The following EXPH5 variants were observed in gnomAD, a reference collection of about 807,000 sequenced individuals.
EXPH5 encodes exophilin 5.
EXPH5 carries 42 observed loss-of-function variants against 41.1 expected under a neutral mutation model. The ratio of observed to expected loss-of-function variants is 1.02; its 90% CI spans 0.80 to 1.32. EXPH5 has a LOEUF of 1.32. Ranked by LOEUF, EXPH5 falls within the 40% of genes most tolerant of loss-of-function variation. The pLI is 0.00. For missense variants in EXPH5, 2,298 were observed against 2,314.5 expected (o/e 0.99, Z 0.15); for synonymous variants, 798 against 833.5 (o/e 0.96, Z 0.73).
At chr11:108,548,049 C>CAA (rs1162431133) in intron 1 of EXPH5, among the ~76,000 whole-genome samples, 1 of 141,924 alleles carries the variant, frequency 7.0e-6, no homozygotes, top group African/African-American at 2.7e-5. Context: ...GCGGAGGTTG[C>CAA]AGTGAGCCGA....
chr11:108,573,375 C>T (rs1022938929), intron 1 of EXPH5, among the ~76,000 whole-genome samples: 3 of 152,118 alleles, frequency 2.0e-5, no homozygotes, highest in South Asian at 2.1e-4. Context: ...ATGGTCTACC[C>T]TTGGTTGGGT....
intron 1 of EXPH5, among the ~76,000 whole-genome samples, chr11:108,553,357 C>A (rs951949214): frequency 6.6e-6 from 1 of 152,118 alleles, no homozygotes; most frequent in African/African-American, 2.4e-5. Context: ...GGTCTCTCAC[C>A]AATAGTCACC....
chr11:108,575,573 A>T (rs2094076930), intron 1 of EXPH5, among the ~76,000 whole-genome samples: 1 of 152,234 alleles, frequency 6.6e-6, no homozygotes, highest in African/African-American at 2.4e-5. Context: ...ATAGTATACA[A>T]CCACAAAAGT....
At chr11:108,517,597 G>A (rs574734582) in intron 5 of EXPH5, among the ~76,000 whole-genome samples, 6 of 152,272 alleles carry the variant, frequency 3.9e-5, no homozygotes, top group East Asian at 1.9e-4. Context: ...CATTTGGAAC[G>A]CCACTGCTTT....
At chr11:108,599,767 C>T in the EXPH5 span, among the ~76,000 whole-genome samples, 6 of 152,238 alleles carry the variant, frequency 3.9e-5, no homozygotes, top group African/African-American at 1.4e-4. Context: ...GGAAAAGAAA[C>T]CTTTTTGTTT....
chr11:108,551,299 C>A (rs147318465), intron 1 of EXPH5, among the ~76,000 whole-genome samples: 2 of 152,116 alleles, frequency 1.3e-5, no homozygotes, highest in Non-Finnish European at 2.9e-5. Context: ...GTGACTTTTG[C>A]CAATTAAACA....
At position 108,514,614 on chromosome 11, in the gene EXPH5, T is replaced by C. The variant is rs750026771; in HGVS notation, c.893A>G (p.Tyr298Cys). The C allele has an allele frequency of 1.9e-6, 3 of 1,611,760 alleles. No individual in the cohort carries two copies. Among genetic ancestry groups the C allele is most frequent in the East Asian group, 4.5e-5 (2 of 44,880 alleles). Residue 298 changes from tyrosine to cysteine, a missense_variant, in exon 6 of 6, where the codon TAT (tyrosine) becomes TGT (cysteine). Coordinates refer to ENST00000265843, the MANE Select transcript of EXPH5 (RefSeq NM_015065.3). ...AAAGACTCTGGGCTCCCTTGTCCTA[T>C]ACATATCATAAATTGTGCTTGTCCT... Reference protein sequence around the residue: ...SPRTSTIYDMYRTREPRVFKE... With the variant: ...SPRTSTIYDMCRTREPRVFKE...
At chr11:108,602,549 C>CT in the EXPH5 span, among the ~76,000 whole-genome samples, 12,545 of 141,302 alleles carry the variant, frequency 0.089, 613 homozygotes, top group Middle Eastern at 0.13. Context: ...CTAAAACTGC[C>CT]TTTTTTTTTT....
At chr11:108,540,658 A>G (rs2093907751) in intron 2 of EXPH5, among the ~76,000 whole-genome samples, 1 of 152,150 alleles carries the variant, frequency 6.6e-6, no homozygotes, top group Non-Finnish European at 1.5e-5. Flanking sequence ...CACTTTGGTT[A>G]TCTTCTCAAT....
At chr11:108,604,263 G>T in the EXPH5 span, among the ~76,000 whole-genome samples, 1 of 151,302 alleles carries the variant, frequency 6.6e-6, no homozygotes, top group Admixed American at 6.6e-5. Flanking sequence ...GGGCATGGTG[G>T]TGTGTGCCTG....
intron 3 of EXPH5, among the ~76,000 whole-genome samples, chr11:108,532,362 ATATATTTTTTTTTTTTTTTTTT>A (rs1296792259): frequency 3.5e-4 from 7 of 20,152 alleles, no homozygotes; most frequent in African/African-American, 2.7e-3. Flanking sequence ...ATATATATAT[ATATATTTTTTTTTTTTTTTTTT>A]TTTTTTTTTT....
At position 108,513,471 on chromosome 11, in the gene EXPH5, G is replaced by C; in HGVS notation, c.2036C>G (p.Ser679Ter). The C allele has an allele frequency of 6.2e-7, 1 of 1,613,810 alleles. No homozygotes were observed. Among genetic ancestry groups the C allele is most frequent in the Non-Finnish European group, 8.5e-7 (1 of 1,179,838 alleles). ...TTTGGCAAGAGGCAGAGAGTCAACT[G>C]AATTGCTGCTGGTCACAGTGACTTC... ...HTEVTVTSSN[S>*]VDSLPLAKSQ... Residue 679 changes from serine to a stop codon, truncating the protein, a stop_gained, in exon 6 of 6, where the codon TCA becomes TGA. Transcript: ENST00000265843. LOFTEE classifies it low-confidence loss of function (END_TRUNC).
intron 1 of EXPH5, among the ~76,000 whole-genome samples, chr11:108,545,115 G>A (rs998218157): frequency 6.6e-6 from 1 of 151,884 alleles, no homozygotes; most frequent in Non-Finnish European, 1.5e-5. Context: ...TCACACAATT[G>A]TGATAAAATA....
intron 1 of EXPH5, 68 bp downstream of exon 1, chr11:108,593,350 C>G: frequency 1.4e-6 from 2 of 1,431,794 alleles, no homozygotes; most frequent in Non-Finnish European, 2.0e-6. Flanking sequence ...AGCTCAGCGC[C>G]TTCCCCGCGG....
At chr11:108,532,032 T>C in intron 3 of EXPH5, among the ~76,000 whole-genome samples, 1 of 152,116 alleles carries the variant, frequency 6.6e-6, no homozygotes, top group Non-Finnish European at 1.5e-5. Flanking sequence ...GAGTGATCAA[T>C]ATAAACTGAA....
intron 2 of EXPH5, among the ~76,000 whole-genome samples, chr11:108,539,750 A>C (rs2093901995): frequency 1.3e-5 from 2 of 152,152 alleles, no homozygotes; most frequent in Admixed American, 1.3e-4. Flanking sequence ...GAAATCAAAA[A>C]TTTCCCCAAA....
At chr11:108,538,254 C>T (rs1002632808) in intron 3 of EXPH5, 64 of 985,294 alleles carry the variant, frequency 6.5e-5, no homozygotes, top group Non-Finnish European at 7.5e-5. Context: ...GAACATATCA[C>T]GTGCCAAGCC....
chr11:108,510,140 T>C lies in EXPH5; in HGVS notation c.5367A>G (p.Pro1789=). The change falls in exon 6 of 6, where the codon CCA becomes CCG. Residue 1789 remains proline, a synonymous_variant. Coordinates refer to ENST00000265843, the MANE Select transcript of EXPH5 (RefSeq NM_015065.3). The stretch of plus-strand genomic sequence containing the variant: ...TTAAACTCTTTGAACGATAGAGGTG[T>C]GGCTCAGGTTCCCACTCCAGAGATG... The part of the protein sequence containing the change: ...SASSLEWEPE[P]HLYRSKSLKS... The C allele has an allele frequency of 6.2e-7, 1 of 1,613,998 alleles. No homozygotes were observed. Among genetic ancestry groups the C allele is most frequent in the South Asian group, 1.1e-5 (1 of 91,080 alleles).
At chr11:108,587,550 T>C (rs1411220634) in intron 1 of EXPH5, among the ~76,000 whole-genome samples, 1 of 152,222 alleles carries the variant, frequency 6.6e-6, no homozygotes, top group Non-Finnish European at 1.5e-5. Context: ...CCAACTTACC[T>C]GTGCACACAT....
Sources: gnomAD v4.1 joint callset for allele counts (sites outside exome capture counted in the v4.1 genomes callset) on GRCh38, gnomAD v4.1.1 for gene constraint, MANE v1.5 for transcripts, NCBI Gene and HGNC (gene_info 2026-07-23, HGNC 2026-07-21) for gene names.